The following GRIA3 variants were observed in gnomAD, a reference collection of about 807,000 sequenced individuals.
The protein encoded by GRIA3 is glutamate receptor 3.
GRIA3 carries 3 observed loss-of-function variants against 63.0 expected under a neutral mutation model. The observed-to-expected ratio is 0.05, with a 90% CI of 0.02 to 0.12. The LOEUF (loss-of-function observed/expected upper bound fraction) is 0.12. Among genes scored for constraint, GRIA3 ranks in the 10% least tolerant of loss-of-function variants. The probability of loss-of-function intolerance (pLI) is 1.00; values close to 1 mark genes in which losing one functional copy is unlikely to be tolerated. For synonymous variants in GRIA3, 274 were observed against 257.9 expected, an observed-to-expected ratio of 1.06 and a Z score of -0.60; for missense variants, 347 against 700.9, an observed-to-expected ratio of 0.50 and a Z score of 5.70.
At chrX:123,186,203 A>G (rs1327590061) in intron 2 of GRIA3, among the ~76,000 whole-genome samples, 1 of 111,618 alleles carries the variant, frequency 9.0e-6, no homozygotes, top group Non-Finnish European at 1.9e-5. Context: ...ACAGTGGGCA[A>G]AAGTCTGCTC....
chrX:123,463,576 AAGGGAGGGAGGG>A (rs1205360343), intron 12 of GRIA3, among the ~76,000 whole-genome samples: 3 of 13,736 alleles, frequency 2.2e-4, no homozygotes, highest in Non-Finnish European at 3.4e-4. Context: ...GGAAGGAAGG[AAGGGAGGGAGGG>A]AGGGAGGGAG....
At chrX:123,275,126 CAAT>C (rs1024654214) in intron 3 of GRIA3, among the ~76,000 whole-genome samples, 1 of 111,069 alleles carries the variant, frequency 9.0e-6, no homozygotes, top group Non-Finnish European at 1.9e-5. Context: ...AGGATAATAA[CAAT>C]AATAATAACA....
chrX:123,214,476 C>A (rs73229260), intron 2 of GRIA3, among the ~76,000 whole-genome samples: 1 of 111,850 alleles, frequency 8.9e-6, no homozygotes, highest in Non-Finnish European at 1.9e-5. Flanking sequence ...ACTGATCTTA[C>A]ATAAATTTAT....
At chrX:123,349,458 G>A (rs1328690077) in intron 4 of GRIA3, among the ~76,000 whole-genome samples, 1 of 112,803 alleles carries the variant, frequency 8.9e-6, no homozygotes, top group African/African-American at 3.2e-5. Context: ...GTTCTTTGGT[G>A]AAATCCTTGT....
chrX:123,237,375 A>C (rs184457522), intron 2 of GRIA3, among the ~76,000 whole-genome samples: 310 of 111,744 alleles, frequency 2.8e-3, no homozygotes, highest in Non-Finnish European at 4.6e-3. Flanking sequence ...ATGTTTTCTT[A>C]ATGTAAATTC....
At chrX:123,442,479 G>T (rs1367140798) in intron 12 of GRIA3, among the ~76,000 whole-genome samples, 1 of 111,703 alleles carries the variant, frequency 9.0e-6, no homozygotes, top group Non-Finnish European at 1.9e-5. Context: ...AATGTAAGAA[G>T]AACATTCTAA....
At chrX:123,252,912 A>C (rs2044398791) in intron 2 of GRIA3, among the ~76,000 whole-genome samples, 1 of 112,179 alleles carries the variant, frequency 8.9e-6, no homozygotes, top group Non-Finnish European at 1.9e-5. Context: ...AAAGGAATGA[A>C]GGGTGGTACA....
chrX:123,265,328 T>C (rs965631243), intron 3 of GRIA3, among the ~76,000 whole-genome samples: 2 of 111,616 alleles, frequency 1.8e-5, no homozygotes, highest in Non-Finnish European at 3.8e-5. Flanking sequence ...TAACTACTAA[T>C]AGCCTACTAT....
chrX:123,397,182 A>G (rs751536516), intron 6 of GRIA3, among the ~76,000 whole-genome samples: 142 of 112,250 alleles, frequency 1.3e-3, no homozygotes, highest in Non-Finnish European at 2.3e-3. Context: ...AACCCTTTAA[A>G]TAACTTTAAA....
intron 3 of GRIA3, among the ~76,000 whole-genome samples, chrX:123,278,302 TA>T (rs1325026150): frequency 3.6e-5 from 4 of 112,482 alleles, no homozygotes; most frequent in Non-Finnish European, 7.5e-5. Flanking sequence ...ATAAGTCATT[TA>T]AAAGAGTCAA....
intron 12 of GRIA3, among the ~76,000 whole-genome samples, chrX:123,439,298 T>C (rs1374017025): frequency 8.9e-6 from 1 of 111,865 alleles, no homozygotes; most frequent in East Asian, 2.8e-4. Flanking sequence ...TGGATAGAGA[T>C]AATCTATTGC....
intron 11 of GRIA3, among the ~76,000 whole-genome samples, chrX:123,420,873 T>C (rs2045560953): frequency 9.0e-6 from 1 of 111,296 alleles, no homozygotes; most frequent in Non-Finnish European, 1.9e-5. Context: ...TGTATTTTAT[T>C]ATACTAAACT....
intron 12 of GRIA3, among the ~76,000 whole-genome samples, chrX:123,460,486 TA>T (rs1001352220): frequency 8.9e-6 from 1 of 111,810 alleles, no homozygotes; most frequent in Non-Finnish European, 1.9e-5. Context: ...GTTGGGTAAA[TA>T]AAACATAGTG....
At chrX:123,327,524 G>A (rs2044913276) in intron 4 of GRIA3, among the ~76,000 whole-genome samples, 1 of 110,883 alleles carries the variant, frequency 9.0e-6, no homozygotes, top group Non-Finnish European at 1.9e-5. Context: ...CTGTTTTATA[G>A]CAAATTAAAT....
At chrX:123,349,414 T>G (rs1408744326) in intron 4 of GRIA3, among the ~76,000 whole-genome samples, 4 of 112,627 alleles carry the variant, frequency 3.6e-5, no homozygotes, top group Non-Finnish European at 7.5e-5. Flanking sequence ...GAATGCAATG[T>G]TAAAGTCTGG....
At chrX:123,343,479 T>C (rs1156934933) in intron 4 of GRIA3, among the ~76,000 whole-genome samples, 1 of 111,514 alleles carries the variant, frequency 9.0e-6, no homozygotes, top group Non-Finnish European at 1.9e-5. Flanking sequence ...TCTTCTACTG[T>C]TTCATAGGCA....
intron 5 of GRIA3, among the ~76,000 whole-genome samples, chrX:123,377,092 G>A (rs1235275304): frequency 9.1e-6 from 1 of 109,585 alleles, no homozygotes; most frequent in Non-Finnish European, 1.9e-5. Flanking sequence ...CCGCCACCAT[G>A]CCCGGCTAAT....
chrX:123,330,653 T>A (rs1232869795), intron 4 of GRIA3, among the ~76,000 whole-genome samples: 1 of 111,750 alleles, frequency 8.9e-6, no homozygotes, highest in Admixed American at 9.5e-5. Context: ...TTCTCAAGTA[T>A]AAAGAGTTAT....
Position 123,184,286 on chromosome X carries a change from AAGAGAGAGCGAGCG to A in GRIA3, c.-234_-221del, listed in dbSNP as rs1208199996. 2.4e-5 allele frequency: 9 copies of A among 382,137 alleles called. No homozygotes were observed. Among genetic ancestry groups the A allele is most frequent in the Admixed American group, 1.3e-4 (3 of 22,760 alleles). 31.5% of individuals were successfully genotyped at this position (382,137 alleles called of 1,213,427 possible). On this transcript the variant is annotated 5_prime_UTR_variant, in exon 1 of 16. Transcript: ENST00000620443. ...AGGGAGAGAGAGGGAGCAAGAAAGG[AAGAGAGAGCGAGCG>A]AGAGAGAGCGAGCGAATAAGAGAGA...
Sources: allele counts gnomAD v4.1 joint callset (sites outside exome capture counted in the v4.1 genomes callset), GRCh38; gene constraint gnomAD v4.1.1; transcripts MANE v1.5; gene names NCBI Gene and HGNC (gene_info 2026-07-23, HGNC 2026-07-21).